The following NCOR2 variants were observed in gnomAD, a reference collection of about 807,000 sequenced individuals.
NCOR2 encodes the protein CTG repeat protein 26.
A neutral mutation model predicts 262.9 loss-of-function variants in NCOR2; 81 were observed. That is an observed-to-expected ratio of 0.31 (90% confidence interval 0.26 to 0.37). The LOEUF (loss-of-function observed/expected upper bound fraction) is 0.37. NCOR2 is among the 10% of genes least tolerant of loss of function. The probability of loss-of-function intolerance (pLI) is 1.00; values close to 1 mark genes in which losing one functional copy is unlikely to be tolerated. For synonymous variants in NCOR2, 1,659 were observed against 1,559.3 expected, an observed-to-expected ratio of 1.06 and a Z score of -1.51; for missense variants, 3,385 against 3,621.4, an observed-to-expected ratio of 0.93 and a Z score of 1.68.
At position 124,325,381 on chromosome 12, in the gene NCOR2, C is replaced by CT. The variant is rs1593050967; in HGVS notation, c.*20_*21insA. The CT allele has an allele frequency of 1.5e-4, 56 of 380,686 alleles. 6 individuals carry two copies. The East Asian group carries it at 2.2e-3, about 15-fold the overall frequency. 23.6% of individuals were successfully genotyped at this position (380,686 alleles called of 1,614,324 possible). A position where few individuals can be genotyped will look rare whatever the true frequency, so the allele number is the denominator to read the frequency against. ...GGCTCGCTGGGACCTGACACCGCCC[C>CT]CCCCCCCGCCCTGTTCTGAGTCACT... On this transcript the variant is annotated 3_prime_UTR_variant, in exon 47 of 47. Transcript: ENST00000405201.
intron 1 of NCOR2, among the ~76,000 whole-genome samples, chr12:124,493,810 C>T (rs763481408): frequency 9.9e-5 from 15 of 152,278 alleles, no homozygotes; most frequent in East Asian, 7.7e-4. Context: ...AATAGAGGCA[C>T]GGGGGAGTGG....
intron 5 of NCOR2, among the ~76,000 whole-genome samples, chr12:124,458,072 C>T (rs1184576080): frequency 3.3e-5 from 5 of 152,218 alleles, no homozygotes; most frequent in African/African-American, 9.6e-5. Flanking sequence ...GGCTGGCACG[C>T]GGGCGAGCCC....
intron 13 of NCOR2, among the ~76,000 whole-genome samples, chr12:124,417,103 A>AGACCAGACACTCACTCCACGGAGAGCG (rs1416874873): frequency 4.6e-5 from 7 of 151,394 alleles, no homozygotes; most frequent in African/African-American, 1.7e-4. Context: ...CACGGAGAGC[A>AGACCAGACACTCACTCCACGGAGAGCG]GGCCGGACAG....
At chr12:124,347,679 G>A (rs941399930) in intron 30 of NCOR2, 146 bp downstream of exon 32, 15 of 752,774 alleles carry the variant, frequency 2.0e-5, no homozygotes, top group African/African-American at 1.0e-4. Flanking sequence ...CGTAGCTCAC[G>A]TACTGATCAT....
intron 30 of NCOR2, 131 bp downstream of exon 32, chr12:124,347,694 A>G: frequency 1.2e-6 from 1 of 835,286 alleles, no homozygotes. Flanking sequence ...GATCATGTAC[A>G]TGTGTGCTGC....
At chr12:124,540,219 GAGGGAGGGC>G (rs1037702645), upstream of NCOR2, among the ~76,000 whole-genome samples, 13 of 149,296 alleles carry the variant, frequency 8.7e-5, no homozygotes, top group East Asian at 4.2e-4. Flanking sequence ...GCAGTGGTGG[GAGGGAGGGC>G]AGGGAGGGCA....
In NCOR2 at chr12:124,326,323, CT is replaced by C; in HGVS notation, c.7230del (p.Ala2411ProfsTer54). 6.5e-7 allele frequency: 1 copy of C among 1,540,466 alleles called. No individual in the cohort carries two copies. On this transcript the variant is annotated frameshift_variant, in exon 46 of 47. Transcript: ENST00000405201. LOFTEE classifies it high-confidence loss of function. The stretch of plus-strand genomic sequence containing the variant: ...GCCAGGCCCGGGGCCGGGGACTTGG[CT>C]TTTCGGCTGCTGGGTCTGCCAGAGA...
intron 17 of NCOR2, among the ~76,000 whole-genome samples, chr12:124,381,941 C>T (rs751420396): frequency 2.0e-5 from 3 of 152,254 alleles, no homozygotes; most frequent in African/African-American, 2.4e-5. Flanking sequence ...GCCCGGCCGC[C>T]GGATCCTGCT....
chr12:124,340,052 T>C, exon 37 of NCOR2: 1 of 1,612,900 alleles, frequency 6.2e-7, no homozygotes, highest in Non-Finnish European at 8.5e-7. Context: ...ATGATACCCT[T>C]CATGCCTGTG....
chr12:124,479,557 G>A (rs562753177), intron 3 of NCOR2, among the ~76,000 whole-genome samples: 38 of 151,482 alleles, frequency 2.5e-4, no homozygotes, highest in African/African-American at 9.2e-4. Context: ...ACACACAAAC[G>A]CGCACACACA....
chr12:124,479,270 A>C (rs1394903590), intron 3 of NCOR2, among the ~76,000 whole-genome samples: 2 of 151,724 alleles, frequency 1.3e-5, no homozygotes, highest in Admixed American at 1.3e-4. Context: ...AAACACACGC[A>C]CACATGCATA....
At chr12:124,450,041 C>T (rs573012620) in intron 6 of NCOR2, among the ~76,000 whole-genome samples, 174 bp from the exon 9 acceptor site, 2 of 152,334 alleles carry the variant, frequency 1.3e-5, no homozygotes, top group African/African-American at 4.8e-5. Flanking sequence ...CAGCCAGGAA[C>T]AGGCTGAAAC....
At position 124,515,955 on chromosome 12, in the gene NCOR2, G is replaced by A. The variant is rs958733911; in HGVS notation, c.-118+19610C>T. ...CTTCTCCACCGGGTAGGAAAATCGA[G>A]TCCCTGAGGACTTTGGCAAAGGTCA... On this transcript the variant is annotated intron_variant, in intron 1 of 46. Coordinates refer to the NCOR2 transcript ENST00000404621. 2.6e-5 allele frequency among the ~76,000 whole-genome samples: 4 copies of A among 152,202 alleles called. No individual in the cohort carries two copies. The East Asian group carries it at 7.7e-4, about 29-fold the overall frequency.
At chr12:124,431,518 TCAGA>T (rs1222407458) in intron 8 of NCOR2, among the ~76,000 whole-genome samples, 3 of 136,306 alleles carry the variant, frequency 2.2e-5, no homozygotes, top group Non-Finnish European at 4.7e-5. Context: ...ATACATACAG[TCAGA>T]CAGATATACA....
chr12:124,547,465 A>C (rs2051577221), intron 1 of NCOR2, among the ~76,000 whole-genome samples: 1 of 152,198 alleles, frequency 6.6e-6, no homozygotes, highest in African/African-American at 2.4e-5. Flanking sequence ...CCCAAGATTA[A>C]GGGGGGACTA....
At chr12:124,472,845 C>G (rs1323787155) in intron 4 of NCOR2, 107 bp downstream of exon 6, 2 of 1,456,940 alleles carry the variant, frequency 1.4e-6, no homozygotes, top group African/African-American at 1.4e-5. Context: ...AACCAGTGAG[C>G]ACCCAGGAAC....
intron 16 of NCOR2, among the ~76,000 whole-genome samples, chr12:124,393,129 A>G (rs886899980): frequency 6.6e-6 from 1 of 152,242 alleles, no homozygotes; most frequent in Non-Finnish European, 1.5e-5. Flanking sequence ...AGCTGCCAGC[A>G]GAGCCTCGGG....
rs572511953 is a variant in NCOR2, at chr12:124,482,303, G to A, written c.411+1293C>T. ...GGTATCTGGCAGGTGTGCAGGTGTC[G>A]GGGCCACAGCCACTCAGAGCAGGAG... On this transcript the variant is annotated intron_variant, in intron 3 of 46. Transcript: ENST00000405201. This position sits in a 1 kb window ranked among gnomAD's most constrained non-coding sequence, Gnocchi z 6.3. Among the ~76,000 whole-genome samples, 24 of 151,998 alleles carry A rather than the reference G, an allele frequency of 1.6e-4. No individual in the cohort carries two copies. The highest frequency in any genetic ancestry group is 6.2e-4 in the South Asian group (3 of 4,818).
At chr12:124,474,948 G>T (rs1224469501) in intron 3 of NCOR2, among the ~76,000 whole-genome samples, 1 of 152,032 alleles carries the variant, frequency 6.6e-6, no homozygotes, top group Non-Finnish European at 1.5e-5. Flanking sequence ...ACTGCAGCCC[G>T]GGGGCCACCG....
Sources: gnomAD v4.1 joint callset for allele counts (sites outside exome capture counted in the v4.1 genomes callset) on GRCh38, gnomAD v4.1.1 for gene constraint, Gnocchi (gnomAD v3.1) non-coding constraint, MANE v1.5 for transcripts, NCBI Gene and HGNC (gene_info 2026-07-23, HGNC 2026-07-21) for gene names.